Variants in ARGLU1 observed in about 807,000 individuals in gnomAD.
The protein encoded by ARGLU1 is arginine and glutamate-rich protein 1.
A neutral mutation model predicts 37.6 loss-of-function variants in ARGLU1; 9 were observed. The observed-to-expected ratio is 0.24, with a 90% CI of 0.14 to 0.42. The LOEUF is 0.42. ARGLU1 is among the 10% of genes least tolerant of loss of function. The pLI is 1.00. For synonymous variants in ARGLU1, 166 were observed against 138.5 expected (o/e 1.20, Z -1.39); for missense variants, 211 against 359.2 (o/e 0.59, Z 3.34).
intron 3 of ARGLU1, among the ~76,000 whole-genome samples, chr13:106,552,128 T>C (rs1055639248): frequency 2.0e-5 from 3 of 152,224 alleles, no homozygotes; most frequent in Admixed American, 1.3e-4. Context: ...TTCAAACTTA[T>C]GTATGTGGTA....
At chr13:106,564,618 G>T (rs1248095301) in intron 1 of ARGLU1, among the ~76,000 whole-genome samples, 1 of 152,132 alleles carries the variant, frequency 6.6e-6, no homozygotes, top group African/African-American at 2.4e-5. Flanking sequence ...TGCAAATACA[G>T]GCATGTCCTA....
chr13:106,560,755 T>C (rs949107322), intron 1 of ARGLU1, among the ~76,000 whole-genome samples: 2 of 152,208 alleles, frequency 1.3e-5, no homozygotes, highest in African/African-American at 4.8e-5. Flanking sequence ...AAGAGGACGA[T>C]TCATGTTCCA....
In ARGLU1 at chr13:106,542,276, T is replaced by C. The variant is rs569760221; in HGVS notation, c.*1720A>G. Reference sequence around the variant, plus strand: ...ACTTGAATACAGAACTTAGGAACCATGAATCTTCACCAAAAAAAGTTACAT... The same window carrying C: ...ACTTGAATACAGAACTTAGGAACCACGAATCTTCACCAAAAAAAGTTACAT... On this transcript the variant is annotated 3_prime_UTR_variant, in exon 4 of 4. Coordinates refer to ENST00000400198, the MANE Select transcript of ARGLU1 (RefSeq NM_018011.4). 15 of 151,298 alleles carry C rather than the reference T, an allele frequency of 9.9e-5. No homozygotes were observed. Among genetic ancestry groups the C allele is most frequent in the Non-Finnish European group, 1.8e-4 (12 of 67,816 alleles). The allele number at this position is 151,298 out of a possible 1,614,324, so 9.4% of individuals were successfully genotyped here.
rs11349875 is a variant in ARGLU1 at position 106,543,825 on chromosome 13, G to GAA, written c.*169_*170dup. 3.2e-3 allele frequency: 1,308 copies of GAA among 408,446 alleles called. 4 individuals are homozygous for GAA. Among genetic ancestry groups the GAA allele is most frequent in the African/African-American group, 0.014 (550 of 37,978 alleles). 25.3% of individuals were successfully genotyped at this position (408,446 alleles called of 1,614,324 possible). A position where few individuals can be genotyped will look rare whatever the true frequency, so the allele number is the denominator to read the frequency against. On this transcript the variant is annotated 3_prime_UTR_variant, in exon 4 of 4. Transcript: ENST00000400198. ...TGATAAGGATTTGACTTAGTGGAAG[G>GAA]AAAAAAAAAAAAAAAAAGGGAATTG...
At chr13:106,566,512 A>G (rs1343143325) in intron 1 of ARGLU1, among the ~76,000 whole-genome samples, 1 of 152,240 alleles carries the variant, frequency 6.6e-6, no homozygotes, top group Admixed American at 6.5e-5. Flanking sequence ...GGGAGTTAGT[A>G]GGACTGTTCA....
At chr13:106,547,116 T>C (rs751598496) in intron 3 of ARGLU1, among the ~76,000 whole-genome samples, 8 of 152,150 alleles carry the variant, frequency 5.3e-5, no homozygotes, top group Admixed American at 1.3e-4. Context: ...TCTGTCTAGC[T>C]TGCTCGCCAT....
intron 3 of ARGLU1, among the ~76,000 whole-genome samples, chr13:106,550,815 A>T (rs1196787478): frequency 6.6e-6 from 1 of 152,176 alleles, no homozygotes; most frequent in African/African-American, 2.4e-5. Context: ...TCCAAGATCA[A>T]CATCCTCAAA....
intron 1 of ARGLU1, 90 bp from the exon 2 acceptor site, chr13:106,559,747 G>A (rs1439771867): frequency 5.2e-6 from 7 of 1,341,048 alleles, no homozygotes; most frequent in South Asian, 1.5e-5. Context: ...TCAAGCCATT[G>A]AGCCTGATAT....
At chr13:106,544,348 T>TAC (rs930488338) in intron 3 of ARGLU1, among the ~76,000 whole-genome samples, 188 bp from the exon 4 acceptor site, 3 of 152,148 alleles carry the variant, frequency 2.0e-5, no homozygotes, top group Non-Finnish European at 4.4e-5. Context: ...GGTGACAACT[T>TAC]ACACACAATG....
In ARGLU1 at chr13:106,564,631, G is replaced by T. The variant is rs548770750; in HGVS notation, c.347+2942C>A. ...ACTGCAAATACAGGCATGTCCTAAG[G>T]TTCTTTCAGTCCCTTGAATGAACCG... On this transcript the variant is annotated intron_variant, in intron 1 of 3. Transcript: ENST00000400198. Among the ~76,000 whole-genome samples, 25 of 152,140 alleles carry T rather than the reference G, an allele frequency of 1.6e-4. No individual in the cohort carries two copies. The South Asian group carries it at 5.0e-3, about 30-fold the overall frequency.
Position 106,559,055 on chromosome 13 carries a change from A to G in ARGLU1, c.573+377T>C, listed in dbSNP as rs147173754. 4.3e-4 allele frequency: 521 copies of G among 1,205,260 alleles called. 2 individuals are homozygous for G. In the African/African-American group the frequency reaches 7.8e-3, roughly 18 times the overall value. 74.7% of individuals were successfully genotyped at this position (1,205,260 alleles called of 1,614,324 possible). ...CTCTCACAGTCTAGGTAACAGAGTGACAGAATAGAAGAATATACAACCACA... is the reference window on the plus strand; with the variant it reads ...CTCTCACAGTCTAGGTAACAGAGTGGCAGAATAGAAGAATATACAACCACA... On this transcript the variant is annotated intron_variant, in intron 2 of 3. Transcript: ENST00000400198.
intron 2 of ARGLU1, 185 bp downstream of exon 2, chr13:106,559,247 T>C (rs368459692): frequency 1.3e-6 from 2 of 1,530,708 alleles, no homozygotes; most frequent in Non-Finnish European, 1.7e-6. Context: ...GCTTCCAACT[T>C]TTAAGTTATC....
At chr13:106,556,096 A>G (rs1395674964) in intron 3 of ARGLU1, among the ~76,000 whole-genome samples, 2 of 152,176 alleles carry the variant, frequency 1.3e-5, no homozygotes, top group Non-Finnish European at 1.5e-5. Context: ...TAAAAAAAAA[A>G]GTTATCACAT....
chr13:106,557,332 A>G lies in ARGLU1; in HGVS notation c.574-201T>C. 1.6e-6 allele frequency: 1 copy of G among 635,180 alleles called. No individual in the cohort carries two copies. The highest frequency in any genetic ancestry group is 2.6e-6 in the Non-Finnish European group (1 of 391,008). 39.3% of individuals were successfully genotyped at this position (635,180 alleles called of 1,614,324 possible). A position where few individuals can be genotyped will look rare whatever the true frequency, so the allele number is the denominator to read the frequency against. On this transcript the variant is annotated intron_variant, in intron 2 of 3. Transcript: ENST00000400198. This position sits in a 1 kb window ranked among gnomAD's most constrained non-coding sequence, Gnocchi z 5.0. ...ATTTAAATCATCCCTCCCAGTCCAA[A>G]CAGCAACCAACTAAACCCTCCCTAA...
Position 106,564,607 on chromosome 13 carries a change from C to T in ARGLU1, c.347+2966G>A, listed in dbSNP as rs140175012. On this transcript the variant is annotated intron_variant, in intron 1 of 3. Coordinates refer to ENST00000400198, the MANE Select transcript of ARGLU1 (RefSeq NM_018011.4). Reference sequence around the variant, plus strand: ...CATAGGCTCTTCTCCCTCTTCCTAACTGCAAATACAGGCATGTCCTAAGGT... The same window carrying T: ...CATAGGCTCTTCTCCCTCTTCCTAATTGCAAATACAGGCATGTCCTAAGGT... Among the ~76,000 whole-genome samples the T allele has an allele frequency of 5.1e-3, 775 of 152,300 alleles. 2 individuals are homozygous for T. The highest frequency in any genetic ancestry group is 8.0e-3 in the Non-Finnish European group (543 of 68,022).
intron 3 of ARGLU1, among the ~76,000 whole-genome samples, chr13:106,549,845 G>C (rs1319406182): frequency 6.6e-6 from 1 of 152,202 alleles, no homozygotes; most frequent in African/African-American, 2.4e-5. Context: ...CTGAGATTGA[G>C]CTTTGTATGC....
At position 106,568,027 on chromosome 13, in the gene ARGLU1, G is replaced by A; in HGVS notation, c.-108C>T. 2 of 1,443,310 alleles carry A rather than the reference G, an allele frequency of 1.4e-6. No individual in the cohort carries two copies. The highest frequency in any genetic ancestry group is 1.8e-6 in the Non-Finnish European group (2 of 1,103,338). The allele number at this position is 1,443,310 out of a possible 1,614,324, so 89.4% of individuals were successfully genotyped here. A position where few individuals can be genotyped will look rare whatever the true frequency, so the allele number is the denominator to read the frequency against. ...GCGGTTCTACCGAGGCCGGAGGAAAGAAAGGTGTCGGCCAACGGACTTTAT... is the reference window on the plus strand; with the variant it reads ...GCGGTTCTACCGAGGCCGGAGGAAAAAAAGGTGTCGGCCAACGGACTTTAT... On this transcript the variant is annotated 5_prime_UTR_variant, in exon 1 of 4. Transcript: ENST00000400198.
At chr13:106,544,813 C>T (rs1374476804) in intron 3 of ARGLU1, among the ~76,000 whole-genome samples, 3 of 152,210 alleles carry the variant, frequency 2.0e-5, no homozygotes, top group Admixed American at 1.3e-4. Flanking sequence ...CCAAGAAACA[C>T]GACAGACCCA....
intron 1 of ARGLU1, among the ~76,000 whole-genome samples, chr13:106,565,057 A>G (rs1880923057): frequency 1.3e-5 from 2 of 152,152 alleles, no homozygotes; most frequent in Admixed American, 1.3e-4. Flanking sequence ...TCCTGTGTAA[A>G]CTTCTGTACC....
Sources: gnomAD v4.1 joint callset for allele counts (sites outside exome capture counted in the v4.1 genomes callset) on GRCh38, gnomAD v4.1.1 for gene constraint, Gnocchi (gnomAD v3.1) non-coding constraint, MANE v1.5 for transcripts, NCBI Gene and HGNC (gene_info 2026-07-23, HGNC 2026-07-21) for gene names.